Variants in FASN observed in about 807,000 individuals in gnomAD.
FASN encodes 3-hydroxyacyl-[acyl-carrier-protein] dehydratase.
FASN carries 50 observed loss-of-function variants against 250.0 expected under a neutral mutation model. That is an observed-to-expected ratio of 0.20 (90% CI 0.16 to 0.25). The LOEUF is 0.25. Ranked by LOEUF, FASN falls within the 10% of genes least tolerant of loss-of-function variation. The pLI, the probability that FASN is intolerant of heterozygous loss-of-function variation, is 1.00. For missense variants in FASN, 3,031 were observed against 3,498.5 expected (o/e 0.87, Z 3.37); for synonymous variants, 1,909 against 1,584.0 (o/e 1.21, Z -4.87).
At position 82,083,958 on chromosome 17, in the gene FASN, C is replaced by T. The variant is rs370666251; in HGVS notation, c.5098+17G>A. The stretch of plus-strand genomic sequence containing the variant: ...GGGCCAGGAGGGCAGCGGGAGGCAC[C>T]GGGGGCGGGGCCTTACCCACGGTGG... On this transcript the variant is annotated intron_variant, in intron 29 of 42. Coordinates refer to ENST00000306749, the MANE Select transcript of FASN (RefSeq NM_004104.5). 34 of 1,543,270 alleles carry T rather than the reference C, an allele frequency of 2.2e-5. No individual in the cohort carries two copies. Among genetic ancestry groups the T allele is most frequent in the East Asian group, 4.9e-5 (2 of 40,944 alleles).
chr17:82,081,196 T>C lies in FASN; in HGVS notation c.6563A>G (p.Gln2188Arg), dbSNP rs1057344564. 50 of 1,594,710 alleles carry C rather than the reference T, an allele frequency of 3.1e-5. No individual in the cohort carries two copies. The highest frequency in any genetic ancestry group is 1.3e-4 in the African/African-American group (10 of 74,762). ...CTCATCCGCCTTTGAGGACAGCTCC[T>C]GCAGTTTCCGGAGCGTGAGTTGCCG... ...EVRQLTLRKL[Q>R]ELSSKADEAS... The change falls in exon 38 of 43, where the codon CAG becomes CGG. Residue 2188 changes from glutamine to arginine, a missense_variant. By Grantham distance (43) the Gln-to-Arg change is conservative. Coordinates refer to ENST00000306749, the MANE Select transcript of FASN (RefSeq NM_004104.5).
In FASN at chr17:82,090,884, G is replaced by C; in HGVS notation, c.1678C>G (p.Gln560Glu). Reference sequence around the variant, plus strand: ...CACGCTGGCAGGCTGGGCCCTACCTGGATGGCAGTCAGGCTCACAAACGAA... The same window carrying C: ...CACGCTGGCAGGCTGGGCCCTACCTCGATGGCAGTCAGGCTCACAAACGAA... ...VHSFVSLTAI[Q>E]IGLIDLLSCM... The change falls in exon 10 of 43, where the codon CAG becomes GAG. Residue 560 changes from glutamine to glutamate, a missense_variant and splice_region_variant. Coordinates refer to ENST00000306749, the MANE Select transcript of FASN (RefSeq NM_004104.5). 1 of 1,584,190 alleles carries C rather than the reference G, an allele frequency of 6.3e-7. No homozygotes were observed. Among genetic ancestry groups the C allele is most frequent in the Non-Finnish European group, 8.6e-7 (1 of 1,166,378 alleles).
At chr17:82,095,177 C>T (rs2034283098) in intron 3 of FASN, 143 bp downstream of exon 3, 1 of 1,012,794 alleles carries the variant, frequency 9.9e-7, no homozygotes, top group South Asian at 1.3e-5. Flanking sequence ...CCTCCCTGAG[C>T]CCGTTGGCCA....
intron 10 of FASN, 55 bp from the exon 11 acceptor site, chr17:82,090,619 G>GGCC: frequency 6.6e-7 from 1 of 1,525,618 alleles, no homozygotes; most frequent in Non-Finnish European, 9.0e-7. Context: ...CAGCTGTTGG[G>GGCC]GGCGGCCCCC....
In FASN at chr17:82,088,265, G is replaced by C; in HGVS notation, c.2636C>G (p.Thr879Ser). Residue 879 changes from threonine (T) to serine (S), a missense_variant, in exon 17 of 43, where the codon ACC becomes AGC. Coordinates refer to ENST00000306749, the MANE Select transcript of FASN (RefSeq NM_004104.5). Reference sequence around the variant, plus strand: ...GGGGAAGAGGACGCGACCGTCGAGGGTGTGGTCCACCAGGTAGTGGTCAGG... The same window carrying C: ...GGGGAAGAGGACGCGACCGTCGAGGCTGTGGTCCACCAGGTAGTGGTCAGG... Reference protein sequence around the residue: ...ESPDHYLVDHTLDGRVLFPAT... With the variant: ...ESPDHYLVDHSLDGRVLFPAT... The C allele has an allele frequency of 6.2e-7, 1 of 1,606,512 alleles. No homozygotes were observed. Among genetic ancestry groups the C allele is most frequent in the South Asian group, 1.1e-5 (1 of 91,082 alleles).
chr17:82,089,544 G>A, intron 12 of FASN, 88 bp downstream of exon 12: 1 of 1,542,452 alleles, frequency 6.5e-7, no homozygotes, highest in South Asian at 1.2e-5. Context: ...AGAGCTTGGT[G>A]GGGCGTAGAC....
Position 82,084,024 on chromosome 17 carries a change from G to A in FASN, c.5049C>T (p.Ala1683=), listed in dbSNP as rs150176506. ...IHSGSGGVGQ[A]AIAIALSLGC... ...CCAGACTGAGGGCGATGGCGATGGC[G>A]GCCTGGCCCACGCCGCCCGAGCCCG... Residue 1683 remains alanine, a synonymous_variant, in exon 29 of 43, where the codon GCC becomes GCT. Coordinates refer to ENST00000306749, the MANE Select transcript of FASN (RefSeq NM_004104.5). 271 of 1,540,138 alleles carry A rather than the reference G, an allele frequency of 1.8e-4. 1 individual carries two copies. Among genetic ancestry groups the A allele is most frequent in the Middle Eastern group, 1.7e-3 (10 of 5,930 alleles).
At chr17:82,095,593 G>A (rs373586158) in intron 2 of FASN, 121 bp from the exon 3 acceptor site, 1 of 1,260,656 alleles carries the variant, frequency 7.9e-7, no homozygotes, top group Non-Finnish European at 1.1e-6. Context: ...CTATGCCTGG[G>A]AGGCCCAAAC....
Position 82,085,397 on chromosome 17 carries a change from C to A in FASN, c.4128G>T (p.Ala1376=), listed in dbSNP as rs201599707. Residue 1376 remains alanine (A), a synonymous_variant, in exon 24 of 43, where the codon GCG becomes GCT. Transcript: ENST00000306749. ...ACACCCTGGAGAAGAGGCTCTCCCA[C>A]GCGTCCTGTGGGGGCGGTGGTCAGC... ...QYGQGILSQD[A]WESLFSRVSL... 1.2e-6 allele frequency: 2 copies of A among 1,610,272 alleles called. No homozygotes were observed. The highest frequency in any genetic ancestry group is 3.3e-5 in the Admixed American group (2 of 59,854).
chr17:82,091,197 C>T (rs781206733), intron 9 of FASN, 25 bp downstream of exon 9: 2 of 1,601,358 alleles, frequency 1.2e-6, no homozygotes, highest in Admixed American at 3.4e-5. Flanking sequence ...GAAGGGACCA[C>T]CTTGGGGGCA....
rs1449195733 is a variant in FASN at position 82,078,359 on chromosome 17, T to C, written c.*784A>G. The C allele has an allele frequency of 3.3e-5, 5 of 152,254 alleles. No homozygotes were observed. The highest frequency in any genetic ancestry group is 3.3e-4 in the Admixed American group (5 of 15,276). The allele number at this position is 152,254 out of a possible 1,614,324, so 9.4% of individuals were successfully genotyped here. On this transcript the variant is annotated 3_prime_UTR_variant, in exon 43 of 43. Coordinates refer to ENST00000306749, the MANE Select transcript of FASN (RefSeq NM_004104.5). The surrounding 1 kb of genome is among the most constrained non-coding windows in gnomAD (Gnocchi z 5.4). ...GTGGTGGAGATCACATGCGGTTTAA[T>C]TGTGGGAGGCTGAGAGCAGCATTTT...
chr17:82,080,128 T>C lies in FASN; in HGVS notation c.7146+12A>G, dbSNP rs1382951070. 1.9e-6 allele frequency: 3 copies of C among 1,610,220 alleles called. No individual in the cohort carries two copies. Among genetic ancestry groups the C allele is most frequent in the Non-Finnish European group, 2.5e-6 (3 of 1,177,526 alleles). ...TCTGGGTCCTGCGGCCTCAGGGGTG[T>C]CCAGGACCCACCCTGTTGTGCTCCA... On this transcript the variant is annotated intron_variant, in intron 41 of 42. Coordinates refer to ENST00000306749, the MANE Select transcript of FASN (RefSeq NM_004104.5).
At position 82,088,147 on chromosome 17, in the gene FASN, C is replaced by T. The variant is rs994117425; in HGVS notation, c.2754G>A (p.Val918=). 3 of 1,612,694 alleles carry T rather than the reference C, an allele frequency of 1.9e-6. No individual in the cohort carries two copies. The highest frequency in any genetic ancestry group is 2.2e-5 in the East Asian group (1 of 44,892). The change falls in exon 17 of 43, where the codon GTG becomes GTA. Residue 918 remains valine, a synonymous_variant. Coordinates refer to ENST00000306749, the MANE Select transcript of FASN (RefSeq NM_004104.5). ...TGGGCAGGATGGTGGCCTGGTGCAG[C>T]ACCACATCCTCAAACACCACAGGCA... ...EQLPVVFEDV[V]LHQATILPKT... is the part of the protein sequence containing the mutation.
chr17:82,088,251 C>A lies in FASN; in HGVS notation c.2650G>T (p.Val884Phe), dbSNP rs750385551. The A allele has an allele frequency of 6.2e-7, 1 of 1,607,178 alleles. No homozygotes were observed. Among genetic ancestry groups the A allele is most frequent in the Non-Finnish European group, 8.5e-7 (1 of 1,179,924 alleles). Residue 884 changes from valine (V) to phenylalanine (F), a missense_variant, in exon 17 of 43, where the codon GTC becomes TTC. Physicochemically the swap from Val to Phe is conservative, Grantham distance 50 (BLOSUM62 -1). Transcript: ENST00000306749. Reference sequence around the variant, plus strand: ...AGGTAGCCAGTGGCGGGGAAGAGGACGCGACCGTCGAGGGTGTGGTCCACC... The same window carrying A: ...AGGTAGCCAGTGGCGGGGAAGAGGAAGCGACCGTCGAGGGTGTGGTCCACC... ...YLVDHTLDGRVLFPATGYLSI... is the reference protein window; with the variant it reads ...YLVDHTLDGRFLFPATGYLSI...
At chr17:82,085,969 G>A in intron 22 of FASN, 98 bp from the exon 23 acceptor site, 1 of 1,384,532 alleles carries the variant, frequency 7.2e-7, no homozygotes, top group Non-Finnish European at 9.6e-7. Flanking sequence ...TGGCAGAAAG[G>A]CTTCCCCGTC....
At position 82,086,433 on chromosome 17, in the gene FASN, C is replaced by G; in HGVS notation, c.3553G>C (p.Ala1185Pro). The change falls in exon 22 of 43, where the codon GCC (alanine) becomes CCC (proline). Residue 1185 changes from alanine to proline, a missense_variant. Ala to Pro is a conservative substitution (Grantham distance 27). Coordinates refer to ENST00000306749, the MANE Select transcript of FASN (RefSeq NM_004104.5). ...TTCCCGTTGAGCTGAAGCCTGCAGGCAGCCGACAACAGCCGGGGCAGTTCC... is the reference window on the plus strand; with the variant it reads ...TTCCCGTTGAGCTGAAGCCTGCAGGGAGCCGACAACAGCCGGGGCAGTTCC... ...QQELPRLLSAACRLQLNGNLQ... is the reference protein window; with the variant it reads ...QQELPRLLSAPCRLQLNGNLQ... 1 of 1,611,848 alleles carries G rather than the reference C, an allele frequency of 6.2e-7. No homozygotes were observed. The highest frequency in any genetic ancestry group is 8.5e-7 in the Non-Finnish European group (1 of 1,179,872).
chr17:82,079,629 C>A (rs1281421998), intron 41 of FASN, 21 bp from the exon 42 acceptor site: 1 of 1,597,734 alleles, frequency 6.3e-7, no homozygotes, highest in Non-Finnish European at 8.5e-7. Context: ...GGGCTCTGAG[C>A]AGGTGCTGGC....
In FASN at chr17:82,090,571, TG is replaced by T; in HGVS notation, c.1681-8del. 6.2e-7 allele frequency: 1 copy of T among 1,609,306 alleles called. No homozygotes were observed. The highest frequency in any genetic ancestry group is 1.1e-5 in the South Asian group (1 of 90,516). On this transcript the variant is annotated splice_region_variant and splice_polypyrimidine_tract_variant and intron_variant, in intron 10 of 42. Transcript: ENST00000306749. The stretch of plus-strand genomic sequence containing the variant: ...GCAGGTCTATGAGGCCTATCTGGGG[TG>T]GGAACAGGACACTCAGGTTGCAACC...
Position 82,085,636 on chromosome 17 carries a change from C to T in FASN, c.3968G>A (p.Gly1323Glu). The T allele has an allele frequency of 6.3e-7, 1 of 1,595,356 alleles. No homozygotes were observed. The highest frequency in any genetic ancestry group is 8.5e-7 in the Non-Finnish European group (1 of 1,171,842). The change falls in exon 23 of 43, where the codon GGG becomes GAG. Residue 1323 changes from glycine to glutamate, a missense_variant. Gly to Glu is a moderately conservative substitution (Grantham distance 98). Coordinates refer to ENST00000306749, the MANE Select transcript of FASN (RefSeq NM_004104.5). The stretch of plus-strand genomic sequence containing the variant: ...GTTGCTGAGAGCTGAGGCCGGGTCC[C>T]CGAGGGCAGCCACAGCACAGTTGCA... ...LVCNCAVAAL[G>E]DPASALSNMV...
Sources: gnomAD v4.1 joint callset for allele counts on GRCh38, gnomAD v4.1.1 for gene constraint, Gnocchi (gnomAD v3.1) non-coding constraint, MANE v1.5 for transcripts, NCBI Gene and HGNC (gene_info 2026-07-23, HGNC 2026-07-21) for gene names.